Variants in MPC1 observed in about 807,000 individuals in gnomAD.
MPC1 encodes the protein HSPC040 protein.
In MPC1, 6 loss-of-function variants were observed where a neutral mutation model predicts 13.9. That is an observed-to-expected ratio of 0.43 (90% CI 0.24 to 0.85). MPC1 has a LOEUF of 0.85. Among genes scored for constraint, MPC1 ranks in the 40% least tolerant of loss-of-function variants. MPC1 has a pLI of 0.24. For synonymous variants in MPC1, 47 were observed against 50.5 expected, an observed-to-expected ratio of 0.93 and a Z score of 0.29; for missense variants, 115 against 143.3, an observed-to-expected ratio of 0.80 and a Z score of 1.01.
rs1779098792 is a variant in MPC1 at position 166,365,030 on chromosome 6, A to C, written c.*399T>G. On this transcript the variant is annotated 3_prime_UTR_variant, in exon 5 of 5. Coordinates refer to ENST00000360961, the MANE Select transcript of MPC1 (RefSeq NM_016098.4). The surrounding 1 kb of genome is among the most constrained non-coding windows in gnomAD (Gnocchi z 4.2). ...AAACAGTGGGGACAAAATTTTAAGT[A>C]CGTGGCCAGCTGTTGGTTGTCTTGT... 1 of 162,716 alleles carries C rather than the reference A, an allele frequency of 6.1e-6. No individual in the cohort carries two copies. The highest frequency in any genetic ancestry group is 1.3e-5 in the Non-Finnish European group (1 of 75,086). 10.1% of individuals were successfully genotyped at this position (162,716 alleles called of 1,614,324 possible).
chr6:166,371,606 T>C (rs1278460281), intron 1 of MPC1, among the ~76,000 whole-genome samples: 1 of 152,202 alleles, frequency 6.6e-6, no homozygotes, highest in African/African-American at 2.4e-5. Context: ...AGCACAGAGA[T>C]TATAATTTGT....
Position 166,365,525 on chromosome 6 carries a change from C to A in MPC1, c.306-72G>T. 1.6e-6 allele frequency: 2 copies of A among 1,265,332 alleles called. No homozygotes were observed. The highest frequency in any genetic ancestry group is 2.2e-6 in the Non-Finnish European group (2 of 922,156). The allele number at this position is 1,265,332 out of a possible 1,614,324, so 78.4% of individuals were successfully genotyped here. ...TGCCAATCGCAAGGGCTTTGGATGGCTTTTAAAAGACACCTTTACATAACA... is the reference window on the plus strand; with the variant it reads ...TGCCAATCGCAAGGGCTTTGGATGGATTTTAAAAGACACCTTTACATAACA... On this transcript the variant is annotated intron_variant, in intron 4 of 4. Coordinates refer to ENST00000360961, the MANE Select transcript of MPC1 (RefSeq NM_016098.4). The surrounding 1 kb of genome is among the most constrained non-coding windows in gnomAD (Gnocchi z 4.2).
chr6:166,366,976 A>G, intron 2 of MPC1, 85 bp from the exon 3 acceptor site: 1 of 1,601,238 alleles, frequency 6.2e-7, no homozygotes, highest in Non-Finnish European at 8.5e-7. Flanking sequence ...TACTTTAAAT[A>G]ATCACGTGAA....
Position 166,381,552 on chromosome 6 carries a change from G to A in MPC1, c.71+1254C>T, listed in dbSNP as rs558709588. 1.0e-3 allele frequency among the ~76,000 whole-genome samples: 156 copies of A among 152,056 alleles called. 4 individuals are homozygous for A. The South Asian group carries it at 0.031, about 30-fold the overall frequency. On this transcript the variant is annotated intron_variant, in intron 1 of 4. Coordinates refer to ENST00000360961, the MANE Select transcript of MPC1 (RefSeq NM_016098.4). ...AAAACCGCAGCTGTACACGTACCTA[G>A]GTTTTAAAATCATACACTGAAAAAC...
In MPC1 at chr6:166,366,855, T is replaced by TG. The variant is rs1250124056; in HGVS notation, c.111dup (p.Ile38HisfsTer6). ...TTTTTCATATCATTGATGGCAGCAATGGGAAGACCCCAGTTGGCTACTGGG... is the reference window on the plus strand; with the variant it reads ...TTTTTCATATCATTGATGGCAGCAATGGGGAAGACCCCAGTTGGCTACTGGG... On this transcript the variant is annotated frameshift_variant, in exon 3 of 5. Coordinates refer to ENST00000360961, the MANE Select transcript of MPC1 (RefSeq NM_016098.4). LOFTEE classifies it high-confidence loss of function. 6.2e-7 allele frequency: 1 copy of TG among 1,613,970 alleles called. No homozygotes were observed. The highest frequency in any genetic ancestry group is 8.5e-7 in the Non-Finnish European group (1 of 1,179,980).
At chr6:166,376,834 C>T (rs1322374917) in intron 1 of MPC1, among the ~76,000 whole-genome samples, 3 of 152,298 alleles carry the variant, frequency 2.0e-5, no homozygotes, top group Admixed American at 1.3e-4. Flanking sequence ...TACTTTTAAT[C>T]TATATGTGTA....
chr6:166,370,071 C>T, intron 2 of MPC1, 147 bp downstream of exon 2: 1 of 737,752 alleles, frequency 1.4e-6, no homozygotes, highest in Admixed American at 1.9e-5. Flanking sequence ...CAGGACAGGC[C>T]AGGGTGCAGT....
At chr6:166,370,116 A>G (rs1467340857) in intron 2 of MPC1, 102 bp downstream of exon 2, 1 of 775,538 alleles carries the variant, frequency 1.3e-6, no homozygotes, top group African/African-American at 1.7e-5. Context: ...CATGGCGGCT[A>G]GAAAGGCTCT....
intron 1 of MPC1, among the ~76,000 whole-genome samples, chr6:166,375,396 G>T (rs75075893): frequency 6.6e-6 from 1 of 151,998 alleles, no homozygotes; most frequent in Middle Eastern, 3.2e-3. Context: ...TGTGGATAAG[G>T]GGGGTGGAGA....
Position 166,382,933 on chromosome 6 carries a change from C to A in MPC1, c.-57G>T, listed in dbSNP as rs1779862411. 1.3e-6 allele frequency: 2 copies of A among 1,537,032 alleles called. No individual in the cohort carries two copies. Among genetic ancestry groups the A allele is most frequent in the South Asian group, 1.2e-5 (1 of 84,230 alleles). ...CTGCCTCTGCTGCCGCTTCCCAGAG[C>A]CAATGACACCCCGGCCAACCCCCCG... On this transcript the variant is annotated 5_prime_UTR_variant, in exon 1 of 5. Coordinates refer to ENST00000360961, the MANE Select transcript of MPC1 (RefSeq NM_016098.4).
chr6:166,366,915 A>T, intron 2 of MPC1, 24 bp from the exon 3 acceptor site: 2 of 1,613,720 alleles, frequency 1.2e-6, no homozygotes, highest in Non-Finnish European at 1.7e-6. Flanking sequence ...GAGGAAAAGA[A>T]TGAAGAGAGG....
At position 166,365,505 on chromosome 6, in the gene MPC1, A is replaced by G. The variant is rs1435302206; in HGVS notation, c.306-52T>C. On this transcript the variant is annotated intron_variant, in intron 4 of 4. Transcript: ENST00000360961. This position sits in a 1 kb window ranked among gnomAD's most constrained non-coding sequence, Gnocchi z 4.2. The stretch of plus-strand genomic sequence containing the variant: ...AATGAGAAACAAAATTTCAATGCCA[A>G]TCGCAAGGGCTTTGGATGGCTTTTA... The G allele has an allele frequency of 9.5e-6, 14 of 1,471,934 alleles. No individual in the cohort carries two copies. Among genetic ancestry groups the G allele is most frequent in the African/African-American group, 1.4e-5 (1 of 70,710 alleles). 91.2% of individuals were successfully genotyped at this position (1,471,934 alleles called of 1,614,324 possible). A position where few individuals can be genotyped will look rare whatever the true frequency, so the allele number is the denominator to read the frequency against.
chr6:166,380,210 G>A (rs1277669624), intron 1 of MPC1, among the ~76,000 whole-genome samples: 1 of 152,212 alleles, frequency 6.6e-6, no homozygotes, highest in African/African-American at 2.4e-5. Flanking sequence ...ATAAAATGTA[G>A]AGTGATTTGG....
At chr6:166,371,788 T>C (rs1479218762) in intron 1 of MPC1, among the ~76,000 whole-genome samples, 1 of 152,186 alleles carries the variant, frequency 6.6e-6, no homozygotes, top group African/African-American at 2.4e-5. Context: ...AATTTATAAA[T>C]TAGGCAGAGT....
At chr6:166,368,274 T>C (rs1391945929) in intron 2 of MPC1, among the ~76,000 whole-genome samples, 1 of 152,174 alleles carries the variant, frequency 6.6e-6, no homozygotes, top group Admixed American at 6.5e-5. Flanking sequence ...AATGACAAGT[T>C]GGGTCGGGTG....
chr6:166,366,981 C>T lies in MPC1; in HGVS notation c.76-90G>A, dbSNP rs772199908. On this transcript the variant is annotated intron_variant, in intron 2 of 4. Transcript: ENST00000360961. ...AAATTTCCCTTACTTTAAATAATCACGTGAAACTCGTGAGAACAAATCTTC... is the reference window on the plus strand; with the variant it reads ...AAATTTCCCTTACTTTAAATAATCATGTGAAACTCGTGAGAACAAATCTTC... 2.8e-5 allele frequency: 45 copies of T among 1,592,696 alleles called. 2 individuals are homozygous for T. The highest frequency in any genetic ancestry group is 4.5e-5 in the East Asian group (2 of 44,304).
intron 1 of MPC1, among the ~76,000 whole-genome samples, chr6:166,373,230 G>A (rs552916424): frequency 1.1e-3 from 168 of 152,204 alleles, no homozygotes; most frequent in African/African-American, 3.9e-3. Context: ...ATGAACATAC[G>A]ATGCCACGCG....
chr6:166,380,214 G>C (rs1156595658), intron 1 of MPC1, among the ~76,000 whole-genome samples: 1 of 152,200 alleles, frequency 6.6e-6, no homozygotes, highest in Non-Finnish European at 1.5e-5. Flanking sequence ...AATGTAGAGT[G>C]ATTTGGAGTT....
intron 2 of MPC1, among the ~76,000 whole-genome samples, chr6:166,368,258 T>C (rs758796186): frequency 6.6e-6 from 1 of 152,218 alleles, no homozygotes; most frequent in Non-Finnish European, 1.5e-5. Flanking sequence ...GAAATATTTC[T>C]TTGAAAATGA....
Sources: gnomAD v4.1 joint callset for allele counts (sites outside exome capture counted in the v4.1 genomes callset) on GRCh38, gnomAD v4.1.1 for gene constraint, Gnocchi (gnomAD v3.1) non-coding constraint, MANE v1.5 for transcripts, NCBI Gene and HGNC (gene_info 2026-07-23, HGNC 2026-07-21) for gene names.